The following ARMC1 variants were observed in gnomAD, a reference collection of about 807,000 sequenced individuals.
The protein encoded by ARMC1 is armadillo repeat-containing protein 1.
ARMC1 carries 16 observed loss-of-function variants against 31.4 expected under a neutral mutation model. That is an observed-to-expected ratio of 0.51 (90% CI 0.34 to 0.77). The LOEUF is 0.77. Among genes scored for constraint, ARMC1 ranks in the 30% least tolerant of loss-of-function variants. ARMC1 has a pLI of 0.01. For missense variants in ARMC1, 259 were observed against 347.5 expected (o/e 0.75, Z 2.02); for synonymous variants, 114 against 118.9 (o/e 0.96, Z 0.27).
chr8:65,618,062 C>G (rs1014214446), intron 3 of ARMC1, among the ~76,000 whole-genome samples: 5 of 151,628 alleles, frequency 3.3e-5, no homozygotes, highest in African/African-American at 4.8e-5. Flanking sequence ...ATTACAGGTA[C>G]GTACCACCAT....
intron 3 of ARMC1, among the ~76,000 whole-genome samples, chr8:65,618,063 G>T (rs6986691): frequency 6.6e-6 from 1 of 151,626 alleles, no homozygotes; most frequent in East Asian, 2.0e-4. Context: ...TTACAGGTAC[G>T]TACCACCATG....
Position 65,604,330 on chromosome 8 carries a change from T to TCACC in ARMC1, c.*60_*63dup. 2 of 1,486,062 alleles carry TCACC rather than the reference T, an allele frequency of 1.3e-6. No homozygotes were observed. Among genetic ancestry groups the TCACC allele is most frequent in the South Asian group, 2.5e-5 (2 of 79,132 alleles). 92.1% of individuals were successfully genotyped at this position (1,486,062 alleles called of 1,614,324 possible). ...CTTATTGCAAATTGCACTTGACAGT[T>TCACC]CACCACAACAATGGAAAACTGGCCC... On this transcript the variant is annotated 3_prime_UTR_variant, in exon 7 of 7. Coordinates refer to ENST00000276569, the MANE Select transcript of ARMC1 (RefSeq NM_018120.6).
At chr8:65,607,338 C>A (rs763914578) in intron 4 of ARMC1, among the ~76,000 whole-genome samples, 1 of 152,178 alleles carries the variant, frequency 6.6e-6, no homozygotes, top group Non-Finnish European at 1.5e-5. Context: ...AAAGCTCACA[C>A]AATATATATA....
At chr8:65,618,447 G>A (rs10105501) in intron 3 of ARMC1, among the ~76,000 whole-genome samples, 6,875 of 151,102 alleles carry the variant, frequency 0.045, 535 homozygotes, top group African/African-American at 0.15. Context: ...GCCTGAACCC[G>A]GGAGGCAGAG....
chr8:65,621,637 T>G (rs1808396052), intron 3 of ARMC1, among the ~76,000 whole-genome samples: 1 of 151,966 alleles, frequency 6.6e-6, no homozygotes, highest in Non-Finnish European at 1.5e-5. Context: ...GCCTCCCGAG[T>G]AGCTGGGATT....
At chr8:65,630,882 A>G (rs1808629323) in intron 1 of ARMC1, among the ~76,000 whole-genome samples, 9 of 152,292 alleles carry the variant, frequency 5.9e-5, no homozygotes, top group Admixed American at 3.3e-4. Flanking sequence ...ATTGGGCTCA[A>G]ATCAGCATCT....
intron 4 of ARMC1, among the ~76,000 whole-genome samples, chr8:65,609,059 AT>A (rs1164987292): frequency 1.4e-5 from 2 of 140,634 alleles, no homozygotes; most frequent in Non-Finnish European, 3.2e-5. Flanking sequence ...TAACTTGCTA[AT>A]ATTTCATTTT....
At chr8:65,617,478 A>C (rs1346631965) in intron 3 of ARMC1, among the ~76,000 whole-genome samples, 1 of 152,172 alleles carries the variant, frequency 6.6e-6, no homozygotes, top group Non-Finnish European at 1.5e-5. Flanking sequence ...GGACACAAAC[A>C]CTGCGGAAGG....
intron 3 of ARMC1, among the ~76,000 whole-genome samples, chr8:65,617,611 A>G (rs950441115): frequency 6.7e-6 from 1 of 149,542 alleles, no homozygotes; most frequent in African/African-American, 2.6e-5. Flanking sequence ...CCCAAGAATG[A>G]TCAATTAAAA....
chr8:65,614,440 ATTAAT>A (rs953271831), intron 3 of ARMC1, among the ~76,000 whole-genome samples: 18 of 152,356 alleles, frequency 1.2e-4, no homozygotes, highest in African/African-American at 3.6e-4. Context: ...TTTACCTTTA[ATTAAT>A]TTAAATTGCC....
intron 4 of ARMC1, among the ~76,000 whole-genome samples, chr8:65,608,485 C>T (rs1451937660): frequency 1.3e-5 from 2 of 151,106 alleles, no homozygotes; most frequent in African/African-American, 4.9e-5. Context: ...GCTGAGATCA[C>T]GCCACCTCAC....
intron 1 of ARMC1, among the ~76,000 whole-genome samples, chr8:65,627,952 T>C (rs576473125): frequency 6.6e-6 from 1 of 152,348 alleles, no homozygotes; most frequent in Admixed American, 6.5e-5. Flanking sequence ...GGAAAGGTAT[T>C]TAGCCTGTGG....
At chr8:65,626,671 T>C (rs866007473) in intron 2 of ARMC1, among the ~76,000 whole-genome samples, 1 of 152,150 alleles carries the variant, frequency 6.6e-6, no homozygotes, top group African/African-American at 2.4e-5. Context: ...GATTGTTAAA[T>C]GAAAAGGAAG....
intron 4 of ARMC1, among the ~76,000 whole-genome samples, chr8:65,605,896 G>A (rs949158234): frequency 3.3e-5 from 5 of 152,118 alleles, no homozygotes; most frequent in African/African-American, 1.2e-4. Flanking sequence ...GCTCACGGGT[G>A]GGGAAAACTA....
In ARMC1 at chr8:65,613,347, A is replaced by G; in HGVS notation, c.362T>C (p.Phe121Ser). The G allele has an allele frequency of 6.2e-7, 1 of 1,612,618 alleles. No individual in the cohort carries two copies. Among genetic ancestry groups the G allele is most frequent in the Non-Finnish European group, 8.5e-7 (1 of 1,179,452 alleles). ...CCTTCGACGTGAATTCATCTCATTAAAACTATCACCATCTGCCATATTGGA... is the reference window on the plus strand; with the variant it reads ...CCTTCGACGTGAATTCATCTCATTAGAACTATCACCATCTGCCATATTGGA... ...QSSNMADGDS[F>S]NEMNSRRRKA... Residue 121 changes from phenylalanine to serine, a missense_variant, in exon 4 of 7, where the codon TTT becomes TCT. By Grantham distance (155) the Phe-to-Ser change is radical (BLOSUM62 -2). Coordinates refer to ENST00000276569, the MANE Select transcript of ARMC1 (RefSeq NM_018120.6).
chr8:65,616,923 G>A (rs1174101909), intron 3 of ARMC1, among the ~76,000 whole-genome samples: 1 of 151,710 alleles, frequency 6.6e-6, no homozygotes, highest in Non-Finnish European at 1.5e-5. Context: ...GAAGTGAGGA[G>A]CCCCTCCGCC....
intron 3 of ARMC1, among the ~76,000 whole-genome samples, chr8:65,622,038 A>G (rs1405809836): frequency 6.6e-6 from 1 of 152,066 alleles, no homozygotes; most frequent in Non-Finnish European, 1.5e-5. Context: ...CCGGGGTTCC[A>G]GCGGTTCTCC....
chr8:65,623,710 T>C (rs1362254689), intron 2 of ARMC1, among the ~76,000 whole-genome samples: 1 of 125,648 alleles, frequency 8.0e-6, no homozygotes, highest in East Asian at 2.2e-4. Flanking sequence ...AAAAAGGCAT[T>C]ATATAAGGTA....
chr8:65,609,726 C>T (rs189045786), intron 4 of ARMC1, among the ~76,000 whole-genome samples: 33 of 151,790 alleles, frequency 2.2e-4, no homozygotes, highest in African/African-American at 7.5e-4. Context: ...GGCATGGTGG[C>T]GGGCACCTGT....
Sources: gnomAD v4.1 joint callset for allele counts (sites outside exome capture counted in the v4.1 genomes callset) on GRCh38, gnomAD v4.1.1 for gene constraint, MANE v1.5 for transcripts, NCBI Gene and HGNC (gene_info 2026-07-23, HGNC 2026-07-21) for gene names.